The following KCNT2 variants were observed in gnomAD, a reference collection of about 807,000 sequenced individuals.
KCNT2 encodes potassium sodium-activated channel subfamily T member 2, also known as potassium channel subfamily T member 2.
In KCNT2, 67 loss-of-function variants were observed where a neutral mutation model predicts 153.8. That is an observed-to-expected ratio of 0.44 (90% CI 0.36 to 0.53). KCNT2 has a LOEUF of 0.53. Among genes scored for constraint, KCNT2 ranks in the 20% least tolerant of loss-of-function variants. KCNT2 has a pLI of 0.00. For missense variants in KCNT2, 975 were observed against 1,354.8 expected (o/e 0.72, Z 4.40); for synonymous variants, 500 against 458.8 (o/e 1.09, Z -1.15).
At chr1:196,481,195 A>G (rs1167412916) in intron 4 of KCNT2, among the ~76,000 whole-genome samples, 3 of 152,178 alleles carry the variant, frequency 2.0e-5, no homozygotes. Flanking sequence ...ATCACAATGC[A>G]CACATACTTA....
intron 1 of KCNT2, among the ~76,000 whole-genome samples, chr1:196,556,975 G>C (rs1049210320): frequency 2.0e-5 from 3 of 151,178 alleles, no homozygotes; most frequent in Admixed American, 6.6e-5. Context: ...ATGGTTACTG[G>C]ATGCTGAGGT....
chr1:196,340,537 C>T lies in KCNT2; in HGVS notation c.1587G>A (p.Glu529=), dbSNP rs146008842. 3.7e-6 allele frequency: 6 copies of T among 1,607,806 alleles called. No homozygotes were observed. In the African/African-American group the frequency reaches 5.4e-5, roughly 14 times the overall value. The part of the protein sequence containing the change: ...FGVCLIGVRR[E]DNKNILLNPG... ...GATTCAGCAAAATGTTTTTATTATC[C>T]TCCCTCCTAACACCAATCAAGCAGA... Residue 529 remains glutamate (E), a synonymous_variant, in exon 16 of 28, where the codon GAG becomes GAA. Transcript: ENST00000294725.
At chr1:196,524,473 G>A (rs1049684852) in intron 1 of KCNT2, among the ~76,000 whole-genome samples, 3 of 152,110 alleles carry the variant, frequency 2.0e-5, no homozygotes, top group African/African-American at 7.2e-5. Flanking sequence ...AGGATGGCAA[G>A]TAAATAATTA....
chr1:196,327,121 G>A (rs779567851), intron 18 of KCNT2, among the ~76,000 whole-genome samples: 18 of 152,100 alleles, frequency 1.2e-4, no homozygotes, highest in Non-Finnish European at 1.9e-4. Context: ...GATGTTGAAA[G>A]AGCCAACATT....
At chr1:196,441,883 G>A (rs1408680846) in intron 8 of KCNT2, among the ~76,000 whole-genome samples, 1 of 151,746 alleles carries the variant, frequency 6.6e-6, no homozygotes, top group Non-Finnish European at 1.5e-5. Context: ...AATACATACT[G>A]TGCTTAATGT....
Position 196,505,233 on chromosome 1 carries a change from C to A in KCNT2, c.96-12892G>T, listed in dbSNP as rs866991967. 1.5e-4 allele frequency among the ~76,000 whole-genome samples: 23 copies of A among 152,248 alleles called. 1 individual carries two copies. The highest frequency in any genetic ancestry group is 2.2e-4 in the African/African-American group (9 of 41,528). On this transcript the variant is annotated intron_variant, in intron 1 of 27. Coordinates refer to ENST00000294725, the MANE Select transcript of KCNT2 (RefSeq NM_198503.5). ...ATGGTTTTAGGTCTAACGTTTAAGT[C>A]TTTAATCCAGCTTGAATTAATTTTT...
At chr1:196,373,779 T>TA (rs2148335127) in intron 13 of KCNT2, among the ~76,000 whole-genome samples, 1 of 151,972 alleles carries the variant, frequency 6.6e-6, no homozygotes, top group South Asian at 2.1e-4. Context: ...ACTATGAAAA[T>TA]AACTGTAATA....
At chr1:196,411,566 A>G (rs565255599) in intron 12 of KCNT2, among the ~76,000 whole-genome samples, 23 of 150,078 alleles carry the variant, frequency 1.5e-4, no homozygotes, top group African/African-American at 5.4e-4. Context: ...AATGTTTTGT[A>G]GTTTTCAGTG....
intron 12 of KCNT2, among the ~76,000 whole-genome samples, chr1:196,409,926 GT>G (rs1171014838): frequency 6.6e-6 from 1 of 151,612 alleles, no homozygotes; most frequent in Non-Finnish European, 1.5e-5. Flanking sequence ...AGTGCACAAG[GT>G]TTTGAATTTC....
chr1:196,239,287 T>C (rs2102248913), intron 26 of KCNT2, among the ~76,000 whole-genome samples: 1 of 151,998 alleles, frequency 6.6e-6, no homozygotes, highest in South Asian at 2.1e-4. Context: ...TTAAAAGTAC[T>C]GTTTCATCAG....
At chr1:196,364,244 C>T (rs1186453972) in intron 14 of KCNT2, among the ~76,000 whole-genome samples, 3 of 151,990 alleles carry the variant, frequency 2.0e-5, no homozygotes, top group Admixed American at 2.0e-4. Context: ...TACTGGTTTT[C>T]CAAATTTTGT....
intron 12 of KCNT2, among the ~76,000 whole-genome samples, chr1:196,420,990 T>C (rs1192287045): frequency 1.3e-5 from 2 of 152,078 alleles, no homozygotes; most frequent in Non-Finnish European, 2.9e-5. Flanking sequence ...GTCATACATA[T>C]AACCCTACAT....
intron 22 of KCNT2, among the ~76,000 whole-genome samples, chr1:196,297,752 C>T (rs1660805669): frequency 6.6e-6 from 1 of 152,146 alleles, no homozygotes; most frequent in Admixed American, 6.5e-5. Context: ...TAGCACCAAA[C>T]TCCCACTCAG....
chr1:196,262,922 A>G (rs908082934), intron 25 of KCNT2, among the ~76,000 whole-genome samples: 1 of 152,134 alleles, frequency 6.6e-6, no homozygotes, highest in Non-Finnish European at 1.5e-5. Context: ...GTAATTTTAG[A>G]CAGGAAAATA....
intron 1 of KCNT2, among the ~76,000 whole-genome samples, chr1:196,577,907 A>G (rs1362926938): frequency 2.0e-5 from 3 of 152,194 alleles, no homozygotes; most frequent in African/African-American, 7.2e-5. Flanking sequence ...TTAGAAATGC[A>G]AAGAAGCAAA....
In KCNT2 at chr1:196,351,860, T is replaced by C. The variant is rs935055695; in HGVS notation, c.1404-9632A>G. The stretch of plus-strand genomic sequence containing the variant: ...GTGGGTTTGTCATAGATAGCTCTTA[T>C]TATTTTGAGATACATCCCATCAATA... On this transcript the variant is annotated intron_variant, in intron 14 of 27. Coordinates refer to ENST00000294725, the MANE Select transcript of KCNT2 (RefSeq NM_198503.5). Among the ~76,000 whole-genome samples the C allele has an allele frequency of 1.5e-4, 23 of 152,284 alleles. 1 individual carries two copies. The highest frequency in any genetic ancestry group is 2.9e-4 in the Non-Finnish European group (20 of 68,014).
chr1:196,448,687 T>C (rs912440297), intron 8 of KCNT2, among the ~76,000 whole-genome samples: 1 of 151,752 alleles, frequency 6.6e-6, no homozygotes, highest in Non-Finnish European at 1.5e-5. Flanking sequence ...GAAGTTTATA[T>C]AATATTCTTC....
intron 25 of KCNT2, among the ~76,000 whole-genome samples, chr1:196,273,842 A>G (rs1381571472): frequency 6.6e-6 from 1 of 151,706 alleles, no homozygotes; most frequent in Non-Finnish European, 1.5e-5. Context: ...CCAGGGTAAC[A>G]CATTCCACAA....
intron 26 of KCNT2, chr1:196,257,986 A>G (rs547737954): frequency 2.7e-5 from 37 of 1,376,120 alleles, no homozygotes; most frequent in Non-Finnish European, 3.5e-5. Context: ...CACAGTACCT[A>G]GCAGACTCAG....
Sources: allele counts gnomAD v4.1 joint callset (sites outside exome capture counted in the v4.1 genomes callset), GRCh38; gene constraint gnomAD v4.1.1; transcripts MANE v1.5; gene names NCBI Gene and HGNC (gene_info 2026-07-23, HGNC 2026-07-21).